The following UBE2J2 variants were observed in gnomAD, a reference collection of about 807,000 sequenced individuals.
UBE2J2 encodes ubiquitin conjugating enzyme E2 J2, also known as ubiquitin-conjugating enzyme E2 J2.
A neutral mutation model predicts 28.6 loss-of-function variants in UBE2J2; 5 were observed. That is an observed-to-expected ratio of 0.17 (90% CI 0.09 to 0.37). The LOEUF (loss-of-function observed/expected upper bound fraction) is 0.37, where lower values mean the gene tolerates loss of function less well. Ranked by LOEUF, UBE2J2 falls within the 10% of genes least tolerant of loss-of-function variation. The pLI is 1.00. For missense variants in UBE2J2, 226 were observed against 338.9 expected (o/e 0.67, Z 2.62); for synonymous variants, 138 against 139.7 (o/e 0.99, Z 0.09).
intron 3 of UBE2J2, chr1:1,262,429 C>T (rs1490704985): frequency 4.8e-6 from 2 of 413,602 alleles, no homozygotes; most frequent in African/African-American, 4.1e-5. Flanking sequence ...GCTGTGTTAA[C>T]TCGGCCAAAA....
chr1:1,271,995 A>AT lies in UBE2J2; in HGVS notation c.-1+1670_-1+1671insA, dbSNP rs1361931555. The stretch of plus-strand genomic sequence containing the variant: ...GTCTCAAAAAAAAAAAAAAAAAAAA[A>AT]AAAAAAAAATTAGCCGGGTGTGGTG... On this transcript the variant is annotated intron_variant, in intron 1 of 6. Transcript: ENST00000349431. Among the ~76,000 whole-genome samples, 503 of 146,396 alleles carry AT rather than the reference A, an allele frequency of 3.4e-3. 9 individuals carry two copies. Among genetic ancestry groups the AT allele is most frequent in the African/African-American group, 0.013 (477 of 37,414 alleles).
rs188673050 is a variant in UBE2J2 at position 1,268,136 on chromosome 1, G to A, written c.1-144C>T. The A allele has an allele frequency of 1.5e-3, 1,692 of 1,118,946 alleles. 18 individuals are homozygous for A. The highest frequency in any genetic ancestry group is 5.2e-4 in the Non-Finnish European group (407 of 779,382). 69.3% of individuals were successfully genotyped at this position (1,118,946 alleles called of 1,614,324 possible). A position where few individuals can be genotyped will look rare whatever the true frequency, so the allele number is the denominator to read the frequency against. ...GAGTCACAGCTCACAGGTCACCCTC[G>A]CTTGCCACCCGCCCAGACACCCAGA... On this transcript the variant is annotated intron_variant, in intron 1 of 6. Transcript: ENST00000349431. This position sits in a 1 kb window ranked among gnomAD's most constrained non-coding sequence, Gnocchi z 4.7.
chr1:1,263,073 C>G (rs1309280981), intron 3 of UBE2J2: 2 of 413,446 alleles, frequency 4.8e-6, no homozygotes, highest in Non-Finnish European at 9.0e-6. Flanking sequence ...CAGTGTTTAC[C>G]CCGGTCTGGT....
chr1:1,261,133 G>A (rs1359416014), intron 3 of UBE2J2, among the ~76,000 whole-genome samples: 1 of 152,240 alleles, frequency 6.6e-6, no homozygotes, highest in African/African-American at 2.4e-5. Context: ...ACAGCCCCTC[G>A]GCAAGTGGCA....
intron 3 of UBE2J2, 94 bp downstream of exon 3, chr1:1,263,252 G>C: frequency 1.7e-6 from 2 of 1,166,848 alleles, no homozygotes; most frequent in South Asian, 1.2e-5. Context: ...AAGTAGAAAG[G>C]CTGCTGTTTG....
At chr1:1,258,947 T>G (rs978854220) in intron 3 of UBE2J2, among the ~76,000 whole-genome samples, 9 of 152,234 alleles carry the variant, frequency 5.9e-5, no homozygotes, top group Non-Finnish European at 1.0e-4. Context: ...GGACCACAAG[T>G]GCACAAGCCA....
intron 3 of UBE2J2, chr1:1,262,273 G>A (rs1247106300): frequency 6.6e-6 from 3 of 454,282 alleles, no homozygotes; most frequent in Non-Finnish European, 8.8e-6. Context: ...TCTCACCACG[G>A]CCTGCTGGCA....
At position 1,259,235 on chromosome 1, in the gene UBE2J2, C is replaced by T. The variant is rs369013226; in HGVS notation, c.173-1925G>A. ...TATGCCATCAGGACGCATGTATGTG[C>T]GTGTCTGCATGCCATCAGGACACGT... On this transcript the variant is annotated intron_variant, in intron 3 of 6. Coordinates refer to ENST00000349431, the MANE Select transcript of UBE2J2 (RefSeq NM_058167.3). Among the ~76,000 whole-genome samples, 10 of 145,420 alleles carry T rather than the reference C, an allele frequency of 6.9e-5. No individual in the cohort carries two copies. The South Asian group carries it at 1.3e-3, about 19-fold the overall frequency.
chr1:1,262,771 T>C (rs1457447806), intron 3 of UBE2J2: 3 of 176,994 alleles, frequency 1.7e-5, no homozygotes, highest in Admixed American at 5.4e-5. Context: ...TCCAGCATCT[T>C]CTCTATAAAT....
intron 1 of UBE2J2, among the ~76,000 whole-genome samples, chr1:1,271,795 T>C (rs1640156932): frequency 6.6e-6 from 1 of 151,714 alleles, no homozygotes; most frequent in Non-Finnish European, 1.5e-5. Flanking sequence ...ACCAACATGG[T>C]AAAACCCCGT....
intron 2 of UBE2J2, among the ~76,000 whole-genome samples, chr1:1,265,603 T>TTATGTGTG (rs777241235): frequency 1.7e-5 from 2 of 120,948 alleles, no homozygotes; most frequent in Non-Finnish European, 3.4e-5. Context: ...TTTCTCTCCA[T>TTATGTGTG]TGTGTGTGTG....
At position 1,255,213 on chromosome 1, in the gene UBE2J2, G is replaced by A. The variant is rs750331611; in HGVS notation, c.770C>T (p.Ala257Val). Residue 257 changes from alanine to valine, a missense_variant, in exon 7 of 7, where the codon GCG becomes GTG. By Grantham distance (64) the Ala-to-Val change is moderately conservative. This residue lies in a region of UBE2J2 where 133 missense variants were observed against 161.5 expected (regional missense o/e 0.82). Coordinates refer to ENST00000349431, the MANE Select transcript of UBE2J2 (RefSeq NM_058167.3). ...YTVKYVLRSI[A>V]QE ...CTCGGCGCCTGGGCCTCACTCCTGC[G>A]CGATGCTCCTCAGCACGTACTTGAC... is the stretch of plus-strand genomic sequence containing the variant. 47 of 1,597,604 alleles carry A rather than the reference G, an allele frequency of 2.9e-5. No individual in the cohort carries two copies. The highest frequency in any genetic ancestry group is 1.7e-4 in the Middle Eastern group (1 of 5,996).
rs1320204980 is a variant in UBE2J2, at chr1:1,255,494, G to C, written c.496-7C>G. On this transcript the variant is annotated splice_polypyrimidine_tract_variant and splice_region_variant and intron_variant, in intron 6 of 6. Transcript: ENST00000349431. ...TCTGTTTTTGTTTAATCTCCTAAGAGAAAAACAGCGAGAAAAGCAGCTGGT... is the reference window on the plus strand; with the variant it reads ...TCTGTTTTTGTTTAATCTCCTAAGACAAAAACAGCGAGAAAAGCAGCTGGT... 3 of 1,600,678 alleles carry C rather than the reference G, an allele frequency of 1.9e-6. No individual in the cohort carries two copies. Among genetic ancestry groups the C allele is most frequent in the Admixed American group, 1.7e-5 (1 of 59,316 alleles).
chr1:1,260,856 T>TA (rs1452966886), intron 3 of UBE2J2, among the ~76,000 whole-genome samples: 1 of 152,238 alleles, frequency 6.6e-6, no homozygotes, highest in Non-Finnish European at 1.5e-5. Context: ...TTGTGTAGTA[T>TA]AAAAAACTGA....
intron 3 of UBE2J2, chr1:1,263,118 G>C: frequency 5.7e-6 from 3 of 525,296 alleles, no homozygotes; most frequent in Non-Finnish European, 1.0e-5. Flanking sequence ...TCAGAGGCTG[G>C]TGAACACAGA....
At chr1:1,267,544 G>C (rs760913990) in intron 2 of UBE2J2, among the ~76,000 whole-genome samples, 1 of 152,160 alleles carries the variant, frequency 6.6e-6, no homozygotes, top group Non-Finnish European at 1.5e-5. Flanking sequence ...CCTCCCCTAA[G>C]GACCCCACAC....
chr1:1,267,588 C>A, intron 2 of UBE2J2: 1 of 731,450 alleles, frequency 1.4e-6, no homozygotes, highest in Non-Finnish European at 2.0e-6. Context: ...CTGAGTCAAC[C>A]TGGACCCCGC....
chr1:1,263,109 C>CA (rs1422339330), intron 3 of UBE2J2: 1 of 507,648 alleles, frequency 2.0e-6, no homozygotes, highest in Non-Finnish European at 3.6e-6. Context: ...CCTATGGTGT[C>CA]AGAGGCTGGT....
At chr1:1,267,841 A>ATCAGTGCGCGCG (rs1557565701) in intron 2 of UBE2J2, 21 bp downstream of exon 2, 1 of 1,612,756 alleles carries the variant, frequency 6.2e-7, no homozygotes, top group South Asian at 1.1e-5. Flanking sequence ...GCGCAGGGCG[A>ATCAGTGCGCGCG]TCAGTGGCGC....
Sources: gnomAD v4.1 joint callset for allele counts (sites outside exome capture counted in the v4.1 genomes callset) on GRCh38, gnomAD v4.1.1 for gene constraint, gnomAD v4.1.1 regional missense constraint, Gnocchi (gnomAD v3.1) non-coding constraint, MANE v1.5 for transcripts, NCBI Gene and HGNC (gene_info 2026-07-23, HGNC 2026-07-21) for gene names.